The following SLC44A5 variants were observed in gnomAD, a reference collection of about 807,000 sequenced individuals.
The protein encoded by SLC44A5 is solute carrier family 44 member 5.
Under a neutral mutation model 101.8 loss-of-function variants are expected in SLC44A5, and 57 were observed. That is an observed-to-expected ratio of 0.56 (90% confidence interval 0.45 to 0.70). The LOEUF is 0.70. Among genes scored for constraint, SLC44A5 ranks in the 30% least tolerant of loss-of-function variants. The pLI is 0.00. For missense variants in SLC44A5, 737 were observed against 853.1 expected (o/e 0.86, Z 1.70); for synonymous variants, 281 against 290.9 (o/e 0.97, Z 0.35).
At chr1:75,518,264 GAACT>G (rs1488955088) in intron 2 of SLC44A5, among the ~76,000 whole-genome samples, 1 of 151,976 alleles carries the variant, frequency 6.6e-6, no homozygotes, top group Non-Finnish European at 1.5e-5. Context: ...CAGTCTCAAA[GAACT>G]AATAAATGAG....
intron 2 of SLC44A5, among the ~76,000 whole-genome samples, chr1:75,426,037 G>A (rs957362312): frequency 1.4e-5 from 2 of 141,538 alleles, no homozygotes; most frequent in Non-Finnish European, 1.6e-5. Context: ...AAGTGAAGGT[G>A]TCAGAGGTGT....
rs185318112 is a variant in SLC44A5, at chr1:75,393,729, A to G, written c.52+2854T>C. Among the ~76,000 whole-genome samples, 198 of 152,312 alleles carry G rather than the reference A, an allele frequency of 1.3e-3. 3 individuals carry two copies. Among genetic ancestry groups the G allele is most frequent in the African/African-American group, 4.7e-3 (195 of 41,572 alleles). ...ACTTGATTTTGAAAATAGGAACTGT[A>G]ATTATAAACAGATTTGTCTGATTAT... On this transcript the variant is annotated intron_variant, in intron 3 of 23. Transcript: ENST00000370859.
chr1:75,622,137 C>A, the SLC44A5 span, among the ~76,000 whole-genome samples: 44,593 of 151,900 alleles, frequency 0.29, 7,515 homozygotes, highest in East Asian at 0.82. Context: ...AGAAAACATG[C>A]AATTTCATTT....
chr1:75,682,808 C>G, the SLC44A5 span, among the ~76,000 whole-genome samples: 1,787 of 151,772 alleles, frequency 0.012, 32 homozygotes, highest in African/African-American at 0.042. Context: ...TACCATCAGA[C>G]TGAACAGGCA....
In SLC44A5 at chr1:75,539,635, G is replaced by A. The variant is rs141077782; in HGVS notation, c.13+1800C>T. ...AAAAATAAAAAGTAAATGTCCTTAC[G>A]CAGTAATGGCTCAAGCCTTGAGTAA... On this transcript the variant is annotated intron_variant, in intron 2 of 23. Coordinates refer to ENST00000370859, the MANE Select transcript of SLC44A5 (RefSeq NM_001130058.2). Among the ~76,000 whole-genome samples, 245 of 152,160 alleles carry A rather than the reference G, an allele frequency of 1.6e-3. 2 individuals carry two copies. Among genetic ancestry groups the A allele is most frequent in the African/African-American group, 5.8e-3 (242 of 41,526 alleles).
chr1:75,304,919 C>T lies in SLC44A5; in HGVS notation c.102-4234G>A, dbSNP rs186032590. Among the ~76,000 whole-genome samples, 8 of 152,272 alleles carry T rather than the reference C, an allele frequency of 5.3e-5. No homozygotes were observed. The East Asian group carries it at 5.8e-4, about 11-fold the overall frequency. On this transcript the variant is annotated intron_variant, in intron 4 of 23. Transcript: ENST00000370859. ...TCACCCTCCCTCCAAATCAAAGTCC[C>T]GCTTTCTCAAAACAAGCTGCCCACA...
intron 3 of SLC44A5, among the ~76,000 whole-genome samples, chr1:75,389,937 A>C (rs1234983180): frequency 6.6e-6 from 1 of 152,114 alleles, no homozygotes; most frequent in Non-Finnish European, 1.5e-5. Flanking sequence ...TTAAAAAAGA[A>C]AAAAAGAGAG....
chr1:75,445,528 T>A (rs375055578), intron 2 of SLC44A5, among the ~76,000 whole-genome samples: 3 of 121,574 alleles, frequency 2.5e-5, no homozygotes, highest in African/African-American at 5.9e-5. Context: ...TATATGTATA[T>A]ATTACGTAAT....
chr1:75,460,841 A>G (rs1343228424), intron 2 of SLC44A5, among the ~76,000 whole-genome samples: 2 of 152,198 alleles, frequency 1.3e-5, no homozygotes, highest in Non-Finnish European at 2.9e-5. Flanking sequence ...CAAGACAGGT[A>G]AGAAAATCAC....
intron 3 of SLC44A5, among the ~76,000 whole-genome samples, chr1:75,349,312 C>T (rs1236798420): frequency 6.6e-6 from 1 of 152,046 alleles, no homozygotes; most frequent in African/African-American, 2.4e-5. Context: ...GCACTCCAGC[C>T]TGGGAAACAG....
chr1:75,571,387 C>T (rs1245857506), intron 1 of SLC44A5, among the ~76,000 whole-genome samples: 1 of 152,024 alleles, frequency 6.6e-6, no homozygotes, highest in African/African-American at 2.4e-5. Flanking sequence ...TGAGAAAGTA[C>T]ATAGAGGGGA....
chr1:75,556,125 G>A (rs1216987327), intron 1 of SLC44A5, among the ~76,000 whole-genome samples: 1 of 152,048 alleles, frequency 6.6e-6, no homozygotes, highest in Admixed American at 6.6e-5. Flanking sequence ...GTCATCAGAG[G>A]TGATGATATA....
chr1:75,606,549 A>G (rs1675336657), intron 1 of SLC44A5, among the ~76,000 whole-genome samples: 1 of 152,048 alleles, frequency 6.6e-6, no homozygotes, highest in Non-Finnish European at 1.5e-5. Context: ...ATCCCCAGCC[A>G]TATCATTTCT....
At chr1:75,524,598 G>T (rs1209119338) in intron 2 of SLC44A5, among the ~76,000 whole-genome samples, 1 of 152,082 alleles carries the variant, frequency 6.6e-6, no homozygotes, top group Non-Finnish European at 1.5e-5. Context: ...CAGGATAATG[G>T]TCATATATCA....
At chr1:75,559,179 T>TTATA (rs34227908) in intron 1 of SLC44A5, among the ~76,000 whole-genome samples, 36 of 151,650 alleles carry the variant, frequency 2.4e-4, no homozygotes, top group African/African-American at 8.7e-4. Flanking sequence ...TTAAAGTACT[T>TTATA]TATATATATA....
intron 4 of SLC44A5, among the ~76,000 whole-genome samples, chr1:75,328,105 G>A (rs1656746854): frequency 6.6e-6 from 1 of 152,196 alleles, no homozygotes. Flanking sequence ...ATCCCTGCTG[G>A]CTTCCCAACC....
the SLC44A5 span, among the ~76,000 whole-genome samples, chr1:75,620,638 G>A: frequency 6.6e-6 from 1 of 152,174 alleles, no homozygotes; most frequent in Non-Finnish European, 1.5e-5. Flanking sequence ...CTTTCAAGAA[G>A]TGCCTGTTCA....
chr1:75,414,607 C>G (rs994520928), intron 2 of SLC44A5, among the ~76,000 whole-genome samples: 2 of 152,054 alleles, frequency 1.3e-5, no homozygotes, highest in Non-Finnish European at 2.9e-5. Context: ...GCTTTAAGTG[C>G]TATAAATGTG....
chr1:75,711,248 A>T, the SLC44A5 span, among the ~76,000 whole-genome samples: 1 of 152,158 alleles, frequency 6.6e-6, no homozygotes, highest in Non-Finnish European at 1.5e-5. Context: ...ATAGTTCAGA[A>T]CACAGCTGCT....
Sources: gnomAD v4.1 joint callset for allele counts (sites outside exome capture counted in the v4.1 genomes callset) on GRCh38, gnomAD v4.1.1 for gene constraint, MANE v1.5 for transcripts, NCBI Gene and HGNC (gene_info 2026-07-23, HGNC 2026-07-21) for gene names.